The following AGBL4 variants were observed in gnomAD, a reference collection of about 807,000 sequenced individuals.
The protein encoded by AGBL4 is cytosolic carboxypeptidase 6.
Under a neutral mutation model 66.4 loss-of-function variants are expected in AGBL4, and 58 were observed. That is an observed-to-expected ratio of 0.87 (90% CI 0.71 to 1.09). AGBL4 has a LOEUF of 1.09. Among genes scored for constraint, AGBL4 ranks in the 50% least tolerant of loss-of-function variants. The pLI is 0.00. For synonymous variants in AGBL4, 234 were observed against 222.9 expected, an observed-to-expected ratio of 1.05 and a Z score of -0.44; for missense variants, 579 against 631.0, an observed-to-expected ratio of 0.92 and a Z score of 0.88.
At chr1:49,453,924 A>G (rs1348270361) in intron 3 of AGBL4, among the ~76,000 whole-genome samples, 2 of 151,816 alleles carry the variant, frequency 1.3e-5, no homozygotes, top group Non-Finnish European at 2.9e-5. Flanking sequence ...CTAAATTTCT[A>G]AATTCTGGTA....
chr1:49,147,969 G>C (rs531291709), intron 4 of AGBL4, among the ~76,000 whole-genome samples: 3 of 152,020 alleles, frequency 2.0e-5, no homozygotes, highest in Non-Finnish European at 4.4e-5. Flanking sequence ...ATCCTCAGAG[G>C]GTACCTGCAA....
At chr1:49,425,076 G>A (rs1220426840) in intron 3 of AGBL4, among the ~76,000 whole-genome samples, 1 of 152,148 alleles carries the variant, frequency 6.6e-6, no homozygotes, top group Admixed American at 6.5e-5. Context: ...CCCAGGAAAT[G>A]TGGTTAATGA....
chr1:48,762,648 G>GTATGTA (rs1644330405), intron 6 of AGBL4, among the ~76,000 whole-genome samples: 1 of 143,516 alleles, frequency 7.0e-6, no homozygotes. Flanking sequence ...GTGTGTGTGT[G>GTATGTA]TGTGTGTGTG....
rs551324004 is a variant in AGBL4, at chr1:49,742,012, G to A, written c.158-44575C>T. ...GCACAAGACAGGGATGCCCTCTCTC[G>A]CCACTCCTGTTCAACATAGTGTTGG... On this transcript the variant is annotated intron_variant, in intron 2 of 13. Transcript: ENST00000371839. Among the ~76,000 whole-genome samples the A allele has an allele frequency of 2.2e-4, 34 of 152,132 alleles. No individual in the cohort carries two copies. The South Asian group carries it at 4.4e-3, about 20-fold the overall frequency.
rs1368626517 is a variant in AGBL4, at chr1:48,928,723, TAGGC to T, written c.595-61497_595-61494del. Among the ~76,000 whole-genome samples, 308 of 150,686 alleles carry T rather than the reference TAGGC, an allele frequency of 2.0e-3. 1 individual carries two copies. The highest frequency in any genetic ancestry group is 7.3e-3 in the African/African-American group (292 of 40,110). On this transcript the variant is annotated intron_variant, in intron 5 of 13. Coordinates refer to ENST00000371839, the MANE Select transcript of AGBL4 (RefSeq NM_032785.4). ...ACTTATAGACATATAGGCATAATAA[TAGGC>T]ATAATTATATAGGCATAATAATAGA... is the stretch of plus-strand genomic sequence containing the variant.
intron 4 of AGBL4, among the ~76,000 whole-genome samples, chr1:49,163,955 A>G (rs1031735318): frequency 6.6e-6 from 1 of 152,206 alleles, no homozygotes; most frequent in Non-Finnish European, 1.5e-5. Context: ...GGAGGCCAGT[A>G]TGAAATCCCA....
Position 48,594,767 on chromosome 1 carries a change from C to T in AGBL4, c.952-3782G>A, listed in dbSNP as rs114724037. ...TTTATTGAATTGTGCATCTCTTCCC[C>T]ACTGACATTTCTATCCCCCTTGCCA... On this transcript the variant is annotated intron_variant, in intron 9 of 13. Coordinates refer to ENST00000371839, the MANE Select transcript of AGBL4 (RefSeq NM_032785.4). Among the ~76,000 whole-genome samples, 955 of 152,200 alleles carry T rather than the reference C, an allele frequency of 6.3e-3. 18 individuals are homozygous for T. The highest frequency in any genetic ancestry group is 0.022 in the African/African-American group (915 of 41,530).
At chr1:48,524,746 A>G in the AGBL4 span, among the ~76,000 whole-genome samples, 1 of 152,182 alleles carries the variant, frequency 6.6e-6, no homozygotes, top group East Asian at 1.9e-4. Flanking sequence ...AGTTATTCAT[A>G]TAAGATGTTC....
intron 4 of AGBL4, among the ~76,000 whole-genome samples, chr1:49,100,522 A>G (rs1017701929): frequency 5.3e-5 from 8 of 152,212 alleles, no homozygotes; most frequent in African/African-American, 1.9e-4. Context: ...CTGGCAATGC[A>G]TAAGAGGCAT....
At chr1:49,728,719 C>T (rs1359402179) in intron 2 of AGBL4, among the ~76,000 whole-genome samples, 2 of 152,238 alleles carry the variant, frequency 1.3e-5, no homozygotes, top group East Asian at 3.9e-4. Context: ...AGCCATCTTC[C>T]TGTTCTGCTC....
intron 10 of AGBL4, 133 bp downstream of exon 10, chr1:48,590,700 C>G: frequency 9.8e-7 from 1 of 1,025,170 alleles, no homozygotes; most frequent in Non-Finnish European, 1.4e-6. Flanking sequence ...CCTCTATCTT[C>G]ATCACCCACA....
chr1:49,564,031 G>A (rs534732235), intron 3 of AGBL4, among the ~76,000 whole-genome samples: 1 of 152,238 alleles, frequency 6.6e-6, no homozygotes, highest in East Asian at 1.9e-4. Context: ...TCCTGGTTTA[G>A]TCTTGGGAGG....
chr1:49,673,132 G>T (rs899208340), intron 3 of AGBL4, among the ~76,000 whole-genome samples: 3 of 152,088 alleles, frequency 2.0e-5, no homozygotes, highest in African/African-American at 7.2e-5. Context: ...ATAGGATTTT[G>T]ATGGTCTCTG....
chr1:49,379,458 T>A (rs1644545272), intron 3 of AGBL4, among the ~76,000 whole-genome samples: 1 of 152,158 alleles, frequency 6.6e-6, no homozygotes, highest in Non-Finnish European at 1.5e-5. Context: ...TTCTTCGACA[T>A]CAGCACATAC....
intron 3 of AGBL4, among the ~76,000 whole-genome samples, chr1:49,530,259 T>TAAACAAAAAAAAAAAAAAAA (rs1650993846): frequency 1.3e-5 from 1 of 75,984 alleles, no homozygotes; most frequent in Non-Finnish European, 2.4e-5. Flanking sequence ...GTAGAATTTG[T>TAAACAAAAAAAAAAAAAAAA]AAAAAAAAAA....
chr1:48,562,342 G>A (rs1467365114), intron 11 of AGBL4, among the ~76,000 whole-genome samples: 1 of 152,178 alleles, frequency 6.6e-6, no homozygotes, highest in Non-Finnish European at 1.5e-5. Flanking sequence ...GCAGTGAGGT[G>A]CCTGTCCATG....
At chr1:48,729,861 C>G (rs559973653) in intron 6 of AGBL4, among the ~76,000 whole-genome samples, 1 of 151,938 alleles carries the variant, frequency 6.6e-6, no homozygotes, top group East Asian at 2.0e-4. Flanking sequence ...CTGACTAATC[C>G]TCACTTCATC....
At chr1:49,416,660 C>G (rs564589501) in intron 3 of AGBL4, among the ~76,000 whole-genome samples, 68 of 151,916 alleles carry the variant, frequency 4.5e-4, no homozygotes, top group Non-Finnish European at 9.0e-4. Flanking sequence ...TCTCTGAGCT[C>G]GAATTTCTTC....
chr1:49,765,423 A>G (rs1445968385), intron 2 of AGBL4, among the ~76,000 whole-genome samples: 1 of 152,128 alleles, frequency 6.6e-6, no homozygotes, highest in African/African-American at 2.4e-5. Flanking sequence ...AAAGAAAAAT[A>G]TATATACACA....
Sources: allele counts gnomAD v4.1 joint callset (sites outside exome capture counted in the v4.1 genomes callset), GRCh38; gene constraint gnomAD v4.1.1; transcripts MANE v1.5; gene names NCBI Gene and HGNC (gene_info 2026-07-23, HGNC 2026-07-21).